Variants in FOXO1 observed in about 807,000 individuals in gnomAD.
FOXO1 encodes forkhead box O1, also known as forkhead box protein O1.
A neutral mutation model predicts 44.1 loss-of-function variants in FOXO1; 6 were observed. The ratio of observed to expected loss-of-function variants is 0.14; its 90% CI spans 0.07 to 0.27. FOXO1 has a LOEUF of 0.27. FOXO1 is among the 10% of genes least tolerant of loss of function. The pLI is 1.00. For synonymous variants in FOXO1, 380 were observed against 362.7 expected (o/e 1.05, Z -0.54); for missense variants, 737 against 888.8 (o/e 0.83, Z 2.17).
intron 1 of FOXO1, among the ~76,000 whole-genome samples, chr13:40,617,854 T>C (rs1876479989): frequency 6.6e-6 from 1 of 152,174 alleles, no homozygotes; most frequent in Admixed American, 6.5e-5. Context: ...ATACAACAAA[T>C]GAGATGTATC....
intron 1 of FOXO1, among the ~76,000 whole-genome samples, chr13:40,642,359 G>C (rs1877380932): frequency 6.6e-6 from 1 of 152,138 alleles, no homozygotes; most frequent in African/African-American, 2.4e-5. Flanking sequence ...CCCTCAACCA[G>C]TGTACTTCCC....
At chr13:40,564,280 T>C (rs1321829816) in intron 1 of FOXO1, among the ~76,000 whole-genome samples, 1 of 142,796 alleles carries the variant, frequency 7.0e-6, no homozygotes, top group African/African-American at 2.6e-5. Flanking sequence ...TAATTTAGAC[T>C]TTAAAAAAAA....
intron 1 of FOXO1, among the ~76,000 whole-genome samples, chr13:40,601,195 G>T (rs1440372699): frequency 6.6e-6 from 1 of 152,152 alleles, no homozygotes; most frequent in East Asian, 1.9e-4. Flanking sequence ...GATATTAAAT[G>T]AGAATTCCTA....
chr13:40,629,482 C>T (rs1232824666), intron 1 of FOXO1, among the ~76,000 whole-genome samples: 1 of 152,200 alleles, frequency 6.6e-6, no homozygotes, highest in African/African-American at 2.4e-5. Context: ...TTCACAGCCT[C>T]TAGAGGTATA....
At chr13:40,641,631 G>C (rs763819362) in intron 1 of FOXO1, among the ~76,000 whole-genome samples, 4 of 151,958 alleles carry the variant, frequency 2.6e-5, no homozygotes, top group Non-Finnish European at 5.9e-5. Context: ...AAATTCCAAA[G>C]ATAATTATTC....
intron 1 of FOXO1, among the ~76,000 whole-genome samples, chr13:40,636,359 T>C (rs1462341531): frequency 6.6e-6 from 1 of 152,092 alleles, no homozygotes; most frequent in Non-Finnish European, 1.5e-5. Flanking sequence ...ACTTACACCA[T>C]GAAAGGCTAC....
chr13:40,618,188 C>T (rs1876490323), intron 1 of FOXO1, among the ~76,000 whole-genome samples: 1 of 152,180 alleles, frequency 6.6e-6, no homozygotes, highest in Non-Finnish European at 1.5e-5. Context: ...AGTGATCCTC[C>T]CACCTCAGCA....
chr13:40,601,759 G>C (rs969078388), intron 1 of FOXO1, among the ~76,000 whole-genome samples: 2 of 152,068 alleles, frequency 1.3e-5, no homozygotes, highest in African/African-American at 4.8e-5. Flanking sequence ...AAAATATAGA[G>C]CAATACCTAA....
intron 1 of FOXO1, among the ~76,000 whole-genome samples, chr13:40,623,814 T>TCC (rs771550453): frequency 1.3e-5 from 2 of 151,230 alleles, no homozygotes; most frequent in Non-Finnish European, 2.9e-5. Flanking sequence ...GTCAAGAAGT[T>TCC]CCCCAGGCCA....
intron 1 of FOXO1, chr13:40,619,449 G>A: frequency 8.2e-7 from 1 of 1,213,986 alleles, no homozygotes; most frequent in Non-Finnish European, 1.2e-6. Flanking sequence ...ATCAAAATTG[G>A]AGAGCTGTGA....
At chr13:40,564,973 CGGGGAACCCCGACATGGTGTACTT>C (rs1874209246) in intron 1 of FOXO1, among the ~76,000 whole-genome samples, 1 of 151,352 alleles carries the variant, frequency 6.6e-6, no homozygotes, top group Non-Finnish European at 1.5e-5. Flanking sequence ...ATGGTGTAGT[CGGGGAACCCCGACATGGTGTACTT>C]GCTTGTTCAA....
intron 1 of FOXO1, among the ~76,000 whole-genome samples, chr13:40,567,963 G>A (rs1317914640): frequency 4.0e-5 from 6 of 149,490 alleles, no homozygotes; most frequent in East Asian, 4.6e-4. Context: ...GCAAGACTCC[G>A]TCTTAAAAAA....
intron 1 of FOXO1, among the ~76,000 whole-genome samples, chr13:40,643,360 A>G (rs1469753355): frequency 6.6e-6 from 1 of 151,246 alleles, no homozygotes; most frequent in African/African-American, 2.4e-5. Flanking sequence ...AAAAAAAAAA[A>G]AAAGAAAAGA....
chr13:40,560,873 A>G lies in FOXO1; in HGVS notation c.631-13T>C, dbSNP rs1331160436. On this transcript the variant is annotated splice_polypyrimidine_tract_variant and intron_variant, in intron 1 of 2. Coordinates refer to ENST00000379561, the MANE Select transcript of FOXO1 (RefSeq NM_002015.4). The surrounding 1 kb of genome is among the most constrained non-coding windows in gnomAD (Gnocchi z 5.1). The stretch of plus-strand genomic sequence containing the variant: ...GACGAATTGAATTCTGTAAGGCAAA[A>G]CATCTTATTAGAAGTACAATACTTC... 3 of 1,584,532 alleles carry G rather than the reference A, an allele frequency of 1.9e-6. No individual in the cohort carries two copies. The highest frequency in any genetic ancestry group is 2.6e-6 in the Non-Finnish European group (3 of 1,167,138).
chr13:40,655,756 CCTCAGT>C (rs1365689997), intron 1 of FOXO1, among the ~76,000 whole-genome samples: 2 of 147,514 alleles, frequency 1.4e-5, no homozygotes, highest in East Asian at 4.1e-4. Flanking sequence ...CATTTTCGTG[CCTCAGT>C]CTCCCAAGTA....
intron 1 of FOXO1, among the ~76,000 whole-genome samples, chr13:40,653,168 C>A (rs1461679805): frequency 6.6e-6 from 1 of 152,070 alleles, no homozygotes; most frequent in Non-Finnish European, 1.5e-5. Flanking sequence ...CAGGGTTTCA[C>A]CATGTTGCCA....
chr13:40,618,600 C>G (rs1876502977), intron 1 of FOXO1: 1 of 312,044 alleles, frequency 3.2e-6, no homozygotes, highest in African/African-American at 2.2e-5. Context: ...ACTAAGAACC[C>G]TGAAGACCAA....
chr13:40,665,715 G>C lies in FOXO1; in HGVS notation c.498C>G (p.Ala166=). 1 of 1,498,342 alleles carries C rather than the reference G, an allele frequency of 6.7e-7. No individual in the cohort carries two copies. The highest frequency in any genetic ancestry group is 1.4e-5 in the African/African-American group (1 of 70,150). The allele number at this position is 1,498,342 out of a possible 1,614,324, so 92.8% of individuals were successfully genotyped here. Reference sequence around the variant, plus strand: ...TCTCGATGGCCTTGGTGATGAGGTCGGCGTAGGACAGGTTGCCCCACGCGT... The same window carrying C: ...TCTCGATGGCCTTGGTGATGAGGTCCGCGTAGGACAGGTTGCCCCACGCGT... ...RRNAWGNLSY[A]DLITKAIESS... The change falls in exon 1 of 3, where the codon GCC becomes GCG. Residue 166 remains alanine, a synonymous_variant. Transcript: ENST00000379561.
At chr13:40,571,513 G>A (rs1874498294) in intron 1 of FOXO1, among the ~76,000 whole-genome samples, 1 of 152,160 alleles carries the variant, frequency 6.6e-6, no homozygotes, top group Non-Finnish European at 1.5e-5. Flanking sequence ...CTCCTCCCCA[G>A]GGAGGCACAG....
Sources: gnomAD v4.1 joint callset for allele counts (sites outside exome capture counted in the v4.1 genomes callset) on GRCh38, gnomAD v4.1.1 for gene constraint, Gnocchi (gnomAD v3.1) non-coding constraint, MANE v1.5 for transcripts, NCBI Gene and HGNC (gene_info 2026-07-23, HGNC 2026-07-21) for gene names.